The following FNBP1 variants were observed in gnomAD, a reference collection of about 807,000 sequenced individuals.
The protein encoded by FNBP1 is formin-binding protein 1.
FNBP1 carries 26 observed loss-of-function variants against 90.6 expected under a neutral mutation model. That is an observed-to-expected ratio of 0.29 (90% CI 0.21 to 0.40). The LOEUF (loss-of-function observed/expected upper bound fraction) is 0.40. FNBP1 is among the 10% of genes least tolerant of loss of function. The pLI, the probability that FNBP1 is intolerant of heterozygous loss-of-function variation, is 1.00. For missense variants in FNBP1, 635 were observed against 768.0 expected (o/e 0.83, Z 2.05); for synonymous variants, 260 against 265.2 (o/e 0.98, Z 0.19).
At chr9:129,903,612 A>G (rs1450734374) in intron 12 of FNBP1, among the ~76,000 whole-genome samples, 2 of 152,210 alleles carry the variant, frequency 1.3e-5, no homozygotes, top group Non-Finnish European at 2.9e-5. Flanking sequence ...CCACACAGAT[A>G]AAATAAATAA....
intron 6 of FNBP1, among the ~76,000 whole-genome samples, chr9:129,943,129 C>G (rs1172820684): frequency 6.6e-6 from 1 of 152,122 alleles, no homozygotes; most frequent in Non-Finnish European, 1.5e-5. Flanking sequence ...TTGTCTCTAC[C>G]TCAGTGGCGC....
intron 1 of FNBP1, among the ~76,000 whole-genome samples, chr9:130,020,661 G>C (rs979500202): frequency 2.6e-5 from 4 of 152,156 alleles, no homozygotes; most frequent in African/African-American, 9.7e-5. Context: ...AACAACAAAA[G>C]TTACCAATAG....
At chr9:129,928,929 A>C (rs1016118290) in intron 7 of FNBP1, among the ~76,000 whole-genome samples, 4 of 152,020 alleles carry the variant, frequency 2.6e-5, no homozygotes, top group Admixed American at 2.0e-4. Context: ...TATCTCTATA[A>C]AAAATTTAAA....
rs149343930 is a variant in FNBP1 at position 129,987,100 on chromosome 9, G to C, written c.141-7726C>G. Among the ~76,000 whole-genome samples the C allele has an allele frequency of 2.0e-5, 3 of 152,174 alleles. No homozygotes were observed. In the East Asian group the frequency reaches 5.8e-4, roughly 29 times the overall value. On this transcript the variant is annotated intron_variant, in intron 2 of 16. Transcript: ENST00000446176. ...TGTTGCCTACAGAGAGAAACATCTG[G>C]CTGGCCCCAGACTTTTCCTCCAAAA...
intron 4 of FNBP1, among the ~76,000 whole-genome samples, chr9:129,959,364 G>GAGGCGGAGGT (rs2047444729): frequency 2.0e-5 from 3 of 152,214 alleles, no homozygotes; most frequent in African/African-American, 7.2e-5. Flanking sequence ...GCTGAAGTGG[G>GAGGCGGAGGT]TGGATCATGA....
intron 4 of FNBP1, among the ~76,000 whole-genome samples, chr9:129,958,985 C>CAAAAAAAAATAAAAAAAA (rs2047367399): frequency 1.1e-4 from 1 of 9,154 alleles, no homozygotes; most frequent in Non-Finnish European, 1.9e-4. Context: ...AACTCTGCCT[C>CAAAAAAAAATAAAAAAAA]AAAAAAAAAA....
chr9:130,052,580 G>A, the FNBP1 span, among the ~76,000 whole-genome samples: 6 of 151,728 alleles, frequency 4.0e-5, no homozygotes, highest in East Asian at 3.9e-4. Context: ...CTACAGGCGC[G>A]CGGCCGTGAT....
At chr9:129,929,518 A>C in intron 7 of FNBP1, 49 bp downstream of exon 7, 1 of 1,585,456 alleles carries the variant, frequency 6.3e-7, no homozygotes, top group Non-Finnish European at 8.7e-7. Context: ...CATGTTTCTA[A>C]GGAAAGCAAA....
intron 12 of FNBP1, among the ~76,000 whole-genome samples, chr9:129,905,274 TTGTG>T (rs71497500): frequency 1.6e-5 from 2 of 123,484 alleles, no homozygotes; most frequent in African/African-American, 3.0e-5. Flanking sequence ...ATCTGTTGAA[TTGTG>T]TGTGTGTGTG....
At chr9:129,903,218 A>G (rs192743939) in intron 12 of FNBP1, among the ~76,000 whole-genome samples, 1 of 152,036 alleles carries the variant, frequency 6.6e-6, no homozygotes, top group Non-Finnish European at 1.5e-5. Context: ...CACCCACCTA[A>G]TTTTTGTATT....
chr9:129,979,371 A>G lies in FNBP1; in HGVS notation c.144T>C (p.Asn48=). 2 of 1,598,476 alleles carry G rather than the reference A, an allele frequency of 1.3e-6. No homozygotes were observed. Among genetic ancestry groups the G allele is most frequent in the Non-Finnish European group, 1.7e-6 (2 of 1,167,336 alleles). The change falls in exon 3 of 17, where the codon AAT becomes AAC. Residue 48 remains asparagine, a synonymous_variant. Coordinates refer to ENST00000446176, the MANE Select transcript of FNBP1 (RefSeq NM_015033.3). ...IELSYAKQLR[N]LSKKYQPKKN... is the part of the protein sequence containing the mutation. Reference sequence around the variant, plus strand: ...TTTTAGGTTGGTACTTCTTTGAAAGATTCCTGAAATAAAAATGCAGACATG... The same window carrying G: ...TTTTAGGTTGGTACTTCTTTGAAAGGTTCCTGAAATAAAAATGCAGACATG...
intron 1 of FNBP1, among the ~76,000 whole-genome samples, chr9:130,020,556 T>C (rs2057727296): frequency 6.6e-6 from 1 of 152,152 alleles, no homozygotes; most frequent in Non-Finnish European, 1.5e-5. Context: ...GCTGCCTATT[T>C]GAGAAAAGCA....
chr9:130,041,941 T>C lies in FNBP1; in HGVS notation c.24+1011A>G, dbSNP rs954310662. Among the ~76,000 whole-genome samples the C allele has an allele frequency of 2.0e-5, 3 of 152,162 alleles. No homozygotes were observed. The highest frequency in any genetic ancestry group is 7.2e-5 in the African/African-American group (3 of 41,430). Reference sequence around the variant, plus strand: ...ATTCCAAAAGGTAGTTCAGGCACTTTAGAGTTCATCCTGGGAAATGGCTCA... The same window carrying C: ...ATTCCAAAAGGTAGTTCAGGCACTTCAGAGTTCATCCTGGGAAATGGCTCA... On this transcript the variant is annotated intron_variant, in intron 1 of 16. Transcript: ENST00000446176. The surrounding 1 kb of genome is among the most constrained non-coding windows in gnomAD (Gnocchi z 4.3).
chr9:130,053,432 G>A, the FNBP1 span: 1 of 162,780 alleles, frequency 6.1e-6, no homozygotes, highest in Non-Finnish European at 1.4e-5. Flanking sequence ...TCGTATTATT[G>A]CAACCATTTC....
At chr9:130,046,580 C>CAAAAAAAAAAAAAAA (rs56392821), upstream of FNBP1, among the ~76,000 whole-genome samples, 2 of 66,790 alleles carry the variant, frequency 3.0e-5, no homozygotes, top group East Asian at 5.9e-4. Context: ...ACTAAAAATA[C>CAAAAAAAAAAAAAAA]AAAAAAAAAA....
chr9:130,028,731 C>T (rs560331931), intron 1 of FNBP1, among the ~76,000 whole-genome samples: 49 of 152,312 alleles, frequency 3.2e-4, no homozygotes, highest in African/African-American at 1.2e-3. Flanking sequence ...GTTATGACAG[C>T]TATGCTAGGT....
At chr9:129,959,657 T>C (rs781056066) in intron 4 of FNBP1, among the ~76,000 whole-genome samples, 8 of 152,168 alleles carry the variant, frequency 5.3e-5, no homozygotes, top group Non-Finnish European at 1.0e-4. Context: ...AGGAATGTTT[T>C]AAGACAGCGA....
chr9:130,013,640 T>TA, intron 1 of FNBP1: 1 of 451,896 alleles, frequency 2.2e-6, no homozygotes, highest in Non-Finnish European at 4.4e-6. Flanking sequence ...GAGACATGCA[T>TA]ATGAATGTTT....
intron 11 of FNBP1, among the ~76,000 whole-genome samples, chr9:129,911,780 A>C (rs776493021): frequency 4.6e-5 from 7 of 152,080 alleles, no homozygotes; most frequent in Admixed American, 4.6e-4. Flanking sequence ...AAGACACAAA[A>C]AATTAGCCGA....
Sources: allele counts gnomAD v4.1 joint callset (sites outside exome capture counted in the v4.1 genomes callset), GRCh38; gene constraint gnomAD v4.1.1; non-coding constraint Gnocchi (gnomAD v3.1); transcripts MANE v1.5; gene names NCBI Gene and HGNC (gene_info 2026-07-23, HGNC 2026-07-21).